Variants in KIF2C observed in about 807,000 individuals in gnomAD.
KIF2C encodes kinesin family member 2C.
A neutral mutation model predicts 97.4 loss-of-function variants in KIF2C; 34 were observed. The ratio of observed to expected loss-of-function variants is 0.35; its 90% CI spans 0.27 to 0.46. The LOEUF (loss-of-function observed/expected upper bound fraction) is 0.46. Ranked by LOEUF, KIF2C falls within the 20% of genes least tolerant of loss-of-function variation. The pLI, the probability that KIF2C is intolerant of heterozygous loss-of-function variation, is 1.00. For missense variants in KIF2C, 750 were observed against 907.6 expected (o/e 0.83, Z 2.23); for synonymous variants, 313 against 318.2 (o/e 0.98, Z 0.17).
intron 1 of KIF2C, 123 bp from the exon 2 acceptor site, chr1:44,740,790 T>G (rs1383354553): frequency 2.3e-6 from 1 of 431,610 alleles, no homozygotes; most frequent in East Asian, 3.7e-5. Flanking sequence ...TTTTTTTTTT[T>G]TTTTTTTTTA....
chr1:44,746,302 G>A, intron 2 of KIF2C: 1 of 909,766 alleles, frequency 1.1e-6, no homozygotes, highest in Non-Finnish European at 1.3e-6. Flanking sequence ...AGCTATCCTG[G>A]TGAAGTTTGA....
chr1:44,762,723 C>A, intron 19 of KIF2C, 65 bp downstream of exon 19: 2 of 1,036,770 alleles, frequency 1.9e-6, no homozygotes, highest in Non-Finnish European at 3.0e-6. Flanking sequence ...CCACACCATT[C>A]CCAGAACATG....
intron 7 of KIF2C, 91 bp downstream of exon 7, chr1:44,753,924 CA>C (rs1336762089): frequency 2.1e-6 from 1 of 477,064 alleles, no homozygotes; most frequent in East Asian, 4.2e-5. Context: ...TGGGCCCCAG[CA>C]TTTCTGAGGC....
At position 44,753,159 on chromosome 1, in the gene KIF2C, C is replaced by T. The variant is rs369540494; in HGVS notation, c.467C>T (p.Ala156Val). The change falls in exon 6 of 21, where the codon GCA (alanine) becomes GTA (valine). Residue 156 changes from alanine to valine, a missense_variant. Physicochemically the swap from Ala to Val is moderately conservative, Grantham distance 64 (BLOSUM62 0). Coordinates refer to ENST00000372224, the MANE Select transcript of KIF2C (RefSeq NM_006845.4). ...GCCCCCACTAGGCCTTCCTGCCCTG[C>T]AGTGGCTGAAATACCATTGAGGATG... The part of the protein sequence containing the change: ...PPAPTRPSCP[A>V]VAEIPLRMVS... The T allele has an allele frequency of 1.2e-6, 2 of 1,613,456 alleles. No individual in the cohort carries two copies. The highest frequency in any genetic ancestry group is 2.7e-5 in the African/African-American group (2 of 74,904).
intron 1 of KIF2C, 141 bp from the exon 2 acceptor site, chr1:44,740,772 T>C (rs1398822315): frequency 1.8e-6 from 1 of 561,730 alleles, no homozygotes; most frequent in Non-Finnish European, 3.1e-6. Flanking sequence ...TTTATTTGTT[T>C]CTCTTAGTTT....
At chr1:44,754,892 G>A (rs376446152) in intron 8 of KIF2C, 47 bp downstream of exon 8, 3 of 1,144,912 alleles carry the variant, frequency 2.6e-6, no homozygotes, top group African/African-American at 3.1e-5. Context: ...ACAATTGAGA[G>A]ACAGAAAACT....
chr1:44,749,063 A>C (rs1473763885), intron 4 of KIF2C, among the ~76,000 whole-genome samples: 1 of 152,136 alleles, frequency 6.6e-6, no homozygotes, highest in Non-Finnish European at 1.5e-5. Flanking sequence ...TTGAGGGGCC[A>C]AGGTGGGCAG....
intron 10 of KIF2C, among the ~76,000 whole-genome samples, 196 bp downstream of exon 10, chr1:44,756,433 C>T (rs997451770): frequency 1.4e-4 from 21 of 152,040 alleles, no homozygotes; most frequent in Admixed American, 3.9e-4. Context: ...TCACCCGTTA[C>T]GTGCTGAGGC....
chr1:44,758,860 G>A (rs1160042221), intron 13 of KIF2C, among the ~76,000 whole-genome samples: 1 of 152,072 alleles, frequency 6.6e-6, no homozygotes, highest in African/African-American at 2.4e-5. Flanking sequence ...TGGGCGATAC[G>A]AGCGAAACTC....
chr1:44,762,883 C>G (rs1307653083), intron 19 of KIF2C, among the ~76,000 whole-genome samples: 1 of 152,228 alleles, frequency 6.6e-6, no homozygotes, highest in Non-Finnish European at 1.5e-5. Context: ...TGACATCACA[C>G]TAGCCAGAGC....
intron 16 of KIF2C, 144 bp from the exon 17 acceptor site, chr1:44,761,772 G>A (rs560988307): frequency 1.4e-5 from 10 of 734,436 alleles, no homozygotes; most frequent in East Asian, 1.0e-4. Context: ...CTAGCACAGC[G>A]CGGTGCTAAA....
At position 44,745,464 on chromosome 1, in the gene KIF2C, CTTTTTTTTT is replaced by C. The variant is rs869293971; in HGVS notation, c.166-1902_166-1894del. Among the ~76,000 whole-genome samples, 5 of 38,348 alleles carry C rather than the reference CTTTTTTTTT, an allele frequency of 1.3e-4. 1 individual carries two copies. The highest frequency in any genetic ancestry group is 2.3e-4 in the Non-Finnish European group (5 of 21,786). 25.2% of individuals were successfully genotyped at this position (38,348 alleles called of 152,430 possible). A position where few individuals can be genotyped will look rare whatever the true frequency, so the allele number is the denominator to read the frequency against. The stretch of plus-strand genomic sequence containing the variant: ...TCATGGTGGCAGGGGTTGTATATGT[CTTTTTTTTT>C]TTTTTTTTTTTTTTTTTGAGACAGT... On this transcript the variant is annotated intron_variant, in intron 2 of 20. Coordinates refer to ENST00000372224, the MANE Select transcript of KIF2C (RefSeq NM_006845.4).
intron 2 of KIF2C, among the ~76,000 whole-genome samples, chr1:44,743,412 T>C (rs1557588250): frequency 6.6e-6 from 1 of 152,200 alleles, no homozygotes; most frequent in Non-Finnish European, 1.5e-5. Context: ...TTTTTTGGAC[T>C]GCTTCCAAAA....
chr1:44,750,212 G>A (rs529151655), intron 4 of KIF2C: 110 of 347,704 alleles, frequency 3.2e-4, no homozygotes, highest in Middle Eastern at 7.9e-4. Flanking sequence ...CTTTGTGGGA[G>A]ATATCCTTGC....
Position 44,760,172 on chromosome 1 carries a change from AC to A in KIF2C, c.1368-107del, listed in dbSNP as rs1650060935. Reference sequence around the variant, plus strand: ...TGGAAGCCTGGGACAGGAAAACAGGACTTTTTCGCCTCCTAACCTGTGTCCC... The same window carrying A: ...TGGAAGCCTGGGACAGGAAAACAGGATTTTTCGCCTCCTAACCTGTGTCCC... On this transcript the variant is annotated intron_variant, in intron 14 of 20. Transcript: ENST00000372224. The surrounding 1 kb of genome is among the most constrained non-coding windows in gnomAD (Gnocchi z 4.2). 1.1e-6 allele frequency: 1 copy of A among 921,194 alleles called. No homozygotes were observed. The highest frequency in any genetic ancestry group is 2.5e-5 in the East Asian group (1 of 40,708). The allele number at this position is 921,194 out of a possible 1,614,324, so 57.1% of individuals were successfully genotyped here.
rs374083485 is a variant in KIF2C, at chr1:44,755,921, G to A, written c.760-8G>A. On this transcript the variant is annotated splice_region_variant and splice_polypyrimidine_tract_variant and intron_variant, in intron 8 of 20. Coordinates refer to ENST00000372224, the MANE Select transcript of KIF2C (RefSeq NM_006845.4). The stretch of plus-strand genomic sequence containing the variant: ...TGCTGTTGGTTGCCTCCTCTCATCC[G>A]CTTGCAGATCGAAGAGCACAGAATA... 21 of 1,613,406 alleles carry A rather than the reference G, an allele frequency of 1.3e-5. No homozygotes were observed. The African/African-American group carries it at 2.1e-4, about 16-fold the overall frequency.
intron 2 of KIF2C, chr1:44,746,806 C>T (rs1178998946): frequency 6.4e-7 from 1 of 1,558,202 alleles, no homozygotes; most frequent in South Asian, 1.2e-5. Context: ...GCTATTCATA[C>T]TTAGTGGAAC....
At chr1:44,755,840 G>T (rs1049260435) in intron 8 of KIF2C, 89 bp from the exon 9 acceptor site, 2 of 1,231,334 alleles carry the variant, frequency 1.6e-6, no homozygotes, top group South Asian at 1.2e-5. Flanking sequence ...CCAGACATGG[G>T]ATTGGAAGGG....
At chr1:44,746,289 TA>T in intron 2 of KIF2C, 1 of 840,812 alleles carries the variant, frequency 1.2e-6, no homozygotes, top group Non-Finnish European at 1.4e-6. Context: ...GAACCTGTTG[TA>T]AAGCTATCCT....
Sources: allele counts gnomAD v4.1 joint callset (sites outside exome capture counted in the v4.1 genomes callset), GRCh38; gene constraint gnomAD v4.1.1; non-coding constraint Gnocchi (gnomAD v3.1); transcripts MANE v1.5; gene names NCBI Gene and HGNC (gene_info 2026-07-23, HGNC 2026-07-21).